PTPRD: variants seen among roughly 807,000 people sequenced by gnomAD.
The protein encoded by PTPRD is protein tyrosine phosphatase receptor type D.
PTPRD carries 34 observed loss-of-function variants against 214.5 expected under a neutral mutation model. The observed-to-expected ratio is 0.16, with a 90% CI of 0.12 to 0.21. PTPRD has a LOEUF of 0.21. PTPRD is among the 10% of genes least tolerant of loss of function. PTPRD has a pLI of 1.00. For missense variants in PTPRD, 2,545 were observed against 2,398.7 expected, an observed-to-expected ratio of 1.06 and a Z score of -1.27; for synonymous variants, 1,128 against 845.7, an observed-to-expected ratio of 1.33 and a Z score of -5.79.
At chr9:9,350,932 A>G (rs189298134) in intron 9 of PTPRD, among the ~76,000 whole-genome samples, 1 of 152,148 alleles carries the variant, frequency 6.6e-6, no homozygotes, top group East Asian at 1.9e-4. Context: ...AACTCTGATG[A>G]TCTTTCAATT....
intron 3 of PTPRD, among the ~76,000 whole-genome samples, chr9:10,206,191 C>G (rs2154337784): frequency 6.6e-6 from 1 of 151,674 alleles, no homozygotes; most frequent in African/African-American, 2.4e-5. Flanking sequence ...CGCATGAAAT[C>G]AAAAGGAATG....
At chr9:8,905,846 C>T (rs188147071) in intron 11 of PTPRD, among the ~76,000 whole-genome samples, 23 of 151,948 alleles carry the variant, frequency 1.5e-4, no homozygotes, top group African/African-American at 4.3e-4. Flanking sequence ...CCCAATCCAA[C>T]GAGTTTATTC....
At chr9:10,387,861 A>T (rs1310931750) in intron 2 of PTPRD, among the ~76,000 whole-genome samples, 3 of 100,348 alleles carry the variant, frequency 3.0e-5, no homozygotes, top group Non-Finnish European at 5.4e-5. Context: ...AGGTCTCACT[A>T]TGTTGCTCAG....
chr9:9,966,606 A>G (rs759847704), intron 4 of PTPRD, among the ~76,000 whole-genome samples: 1 of 152,120 alleles, frequency 6.6e-6, no homozygotes, highest in Non-Finnish European at 1.5e-5. Context: ...TCACTTAAAT[A>G]TGTTGTAGTC....
chr9:10,523,137 A>G (rs2052929028), intron 2 of PTPRD, among the ~76,000 whole-genome samples: 1 of 152,128 alleles, frequency 6.6e-6, no homozygotes, highest in Non-Finnish European at 1.5e-5. Flanking sequence ...TCAGAGTGGT[A>G]GGTCTTGCCA....
intron 3 of PTPRD, among the ~76,000 whole-genome samples, chr9:10,041,863 C>T (rs142311300): frequency 7.5e-4 from 114 of 152,046 alleles, no homozygotes; most frequent in African/African-American, 2.7e-3. Context: ...AGTTGCCTTC[C>T]CTGTGAATCC....
chr9:8,329,665 T>TGTAA (rs1302243616), intron 44 of PTPRD, among the ~76,000 whole-genome samples: 66 of 152,140 alleles, frequency 4.3e-4, no homozygotes, highest in Admixed American at 2.1e-3. Flanking sequence ...GGGTTTTATC[T>TGTAA]GTAAGTAAGT....
intron 10 of PTPRD, among the ~76,000 whole-genome samples, chr9:9,166,267 T>A (rs2099903623): frequency 6.6e-6 from 1 of 152,028 alleles, no homozygotes; most frequent in Non-Finnish European, 1.5e-5. Context: ...CTTAGCTGAA[T>A]CTGTGGAGAT....
At chr9:8,616,061 T>C (rs985079409) in intron 14 of PTPRD, among the ~76,000 whole-genome samples, 1 of 152,180 alleles carries the variant, frequency 6.6e-6, no homozygotes, top group African/African-American at 2.4e-5. Flanking sequence ...TTTTTACATT[T>C]TATAAAGGAG....
At chr9:10,247,832 G>A (rs1271634672) in intron 3 of PTPRD, among the ~76,000 whole-genome samples, 1 of 152,102 alleles carries the variant, frequency 6.6e-6, no homozygotes, top group African/African-American at 2.4e-5. Flanking sequence ...AGGTGGCAAT[G>A]GGAAGTAACG....
At chr9:8,920,490 G>A (rs1026855857) in intron 11 of PTPRD, among the ~76,000 whole-genome samples, 3 of 152,092 alleles carry the variant, frequency 2.0e-5, no homozygotes, top group African/African-American at 4.8e-5. Flanking sequence ...TAAGCCAGGG[G>A]TATCCAATCT....
At chr9:10,280,539 C>T (rs751377757) in intron 3 of PTPRD, among the ~76,000 whole-genome samples, 3 of 152,082 alleles carry the variant, frequency 2.0e-5, no homozygotes, top group Non-Finnish European at 2.9e-5. Flanking sequence ...AAGAAACACA[C>T]GAAGATCCTG....
intron 36 of PTPRD, among the ~76,000 whole-genome samples, chr9:8,397,736 C>CT (rs980907819): frequency 6.6e-6 from 1 of 152,006 alleles, no homozygotes; most frequent in Admixed American, 6.6e-5. Context: ...AGTTTCTTGT[C>CT]TTTATTTATT....
chr9:8,337,939 A>G (rs7032880), intron 43 of PTPRD, among the ~76,000 whole-genome samples: 84,494 of 151,496 alleles, frequency 0.56, 24,448 homozygotes, highest in Non-Finnish European at 0.64. Flanking sequence ...TGCTGCCTTG[A>G]ATACTGTCAC....
intron 30 of PTPRD, among the ~76,000 whole-genome samples, chr9:8,483,799 A>C (rs979188646): frequency 1.1e-5 from 1 of 91,314 alleles, no homozygotes; most frequent in South Asian, 2.8e-4. Flanking sequence ...CAAAAACAAA[A>C]ACAAAAACAA....
intron 35 of PTPRD, among the ~76,000 whole-genome samples, chr9:8,407,511 G>C (rs1008879735): frequency 1.3e-5 from 2 of 152,136 alleles, no homozygotes; most frequent in Non-Finnish European, 2.9e-5. Context: ...AGCTGGTAAC[G>C]ACTAAGCCAT....
chr9:10,363,800 C>T (rs2097444341), intron 2 of PTPRD, among the ~76,000 whole-genome samples: 1 of 151,932 alleles, frequency 6.6e-6, no homozygotes, highest in African/African-American at 2.4e-5. Flanking sequence ...GGCTTGATTC[C>T]ATTCATTTCA....
intron 12 of PTPRD, among the ~76,000 whole-genome samples, chr9:8,723,756 G>A (rs1382271035): frequency 6.6e-6 from 1 of 152,134 alleles, no homozygotes; most frequent in African/African-American, 2.4e-5. Context: ...AAAGGTTTAA[G>A]TATATGTTTC....
chr9:8,971,925 T>C (rs983597540), intron 11 of PTPRD, among the ~76,000 whole-genome samples: 12 of 151,818 alleles, frequency 7.9e-5, no homozygotes, highest in Non-Finnish European at 3.0e-5. Context: ...TTATTCATAT[T>C]TTCCTACACC....
Sources: allele counts gnomAD v4.1 joint callset (sites outside exome capture counted in the v4.1 genomes callset), GRCh38; gene constraint gnomAD v4.1.1; transcripts MANE v1.5; gene names NCBI Gene and HGNC (gene_info 2026-07-23, HGNC 2026-07-21).